ZNF296: variants seen among roughly 807,000 people sequenced by gnomAD.
ZNF296 encodes the protein zinc finger protein 342.
ZNF296 carries 1 observed loss-of-function variant against 13.2 expected under a neutral mutation model. That is an observed-to-expected ratio of 0.08 (90% CI 0.03 to 0.36). The LOEUF (loss-of-function observed/expected upper bound fraction) is 0.36. ZNF296 is among the 10% of genes least tolerant of loss of function. ZNF296 has a pLI of 0.99. For synonymous variants in ZNF296, 303 were observed against 289.0 expected, an observed-to-expected ratio of 1.05 and a Z score of -0.49; for missense variants, 555 against 688.2, an observed-to-expected ratio of 0.81 and a Z score of 2.16.
rs749901000 is a variant in ZNF296, at chr19:45,076,153, G to A, written c.221C>T (p.Pro74Leu). The stretch of plus-strand genomic sequence containing the variant: ...GAGGGCGAGGAGGGCGGCCCCGGCG[G>A]GCATGGGGCCAGGGGAGTGGTGGGG... ...GEPHHSPGPMPAGAALLALGP... is the reference protein window; with the variant it reads ...GEPHHSPGPMLAGAALLALGP... The change falls in exon 1 of 3, where the codon CCC (proline) becomes CTC (leucine). Residue 74 changes from proline to leucine, a missense_variant. By Grantham distance (98) the Pro-to-Leu change is moderately conservative. Around this residue, in one of 3 missense-constraint regions of ZNF296, gnomAD observed 137 missense variants for 121.9 expected, o/e 1.12. Transcript: ENST00000303809. The surrounding 1 kb of genome is among the most constrained non-coding windows in gnomAD (Gnocchi z 4.9). The A allele has an allele frequency of 3.2e-6, 5 of 1,546,812 alleles. No individual in the cohort carries two copies. Among genetic ancestry groups the A allele is most frequent in the African/African-American group, 2.8e-5 (2 of 72,094 alleles).
In ZNF296 at chr19:45,072,807, G is replaced by C. The variant is rs547454500; in HGVS notation, c.449-227C>G. Among the ~76,000 whole-genome samples, 23 of 151,858 alleles carry C rather than the reference G, an allele frequency of 1.5e-4. No individual in the cohort carries two copies. The South Asian group carries it at 2.7e-3, about 18-fold the overall frequency. ...TTTAGACAGTCTCACTGTCGCCCAG[G>C]CTGGGGTGCAGTGGCACGATCTCAG... On this transcript the variant is annotated intron_variant, in intron 2 of 2. Transcript: ENST00000303809.
chr19:45,072,560 A>G lies in ZNF296; in HGVS notation c.469T>C (p.Leu157=). ...TGTTTGCCACAGCGCAGGCAGCTCA[A>G]GGCCTTCAGCTCCTCTCGTTCTGGT... ...QGSEREELKA[L]SCLRCGKQFT... The change falls in exon 3 of 3, where the codon TTG becomes CTG. Residue 157 remains leucine (L), a synonymous_variant. Transcript: ENST00000303809. 6.2e-7 allele frequency: 1 copy of G among 1,606,156 alleles called. No homozygotes were observed.
rs371435625 is a variant in ZNF296 at position 45,075,722 on chromosome 19, G to T, written c.439C>A (p.Gln147Lys). The T allele has an allele frequency of 1.2e-6, 2 of 1,613,914 alleles. No individual in the cohort carries two copies. The highest frequency in any genetic ancestry group is 2.7e-5 in the African/African-American group (2 of 74,930). The change falls in exon 2 of 3, where the codon CAG (glutamine) becomes AAG (lysine). Residue 147 changes from glutamine to lysine, a missense_variant. Gln to Lys is a moderately conservative substitution (Grantham distance 53). Transcript: ENST00000303809. ...ACCCGGCTTTACTCACCTGAGCCCTGGCCGCGGCTGGGGCCTCTGAAGAGC... is the reference window on the plus strand; with the variant it reads ...ACCCGGCTTTACTCACCTGAGCCCTTGCCGCGGCTGGGGCCTCTGAAGAGC... ...CQLFRGPSRG[Q>K]GSEREELKAL...
Position 45,076,339 on chromosome 19 carries a change from C to G in ZNF296, c.35G>C (p.Arg12Pro). The stretch of plus-strand genomic sequence containing the variant: ...GTTGGCGGCGGGCGCGGGCTCTACT[C>G]GGCGGGGCGCGCTGCCGGCCTTGCG... ...SRRKAGSAPR[R>P]VEPAPAANPD... The change falls in exon 1 of 3, where the codon CGA (arginine) becomes CCA (proline). Residue 12 changes from arginine to proline, a missense_variant. Physicochemically the swap from Arg to Pro is moderately radical, Grantham distance 103. Coordinates refer to ENST00000303809, the MANE Select transcript of ZNF296 (RefSeq NM_145288.3). The surrounding 1 kb of genome is among the most constrained non-coding windows in gnomAD (Gnocchi z 4.9). 1.5e-6 allele frequency: 2 copies of G among 1,369,948 alleles called. No individual in the cohort carries two copies. Among genetic ancestry groups the G allele is most frequent in the Non-Finnish European group, 1.9e-6 (2 of 1,058,042 alleles). 84.9% of individuals were successfully genotyped at this position (1,369,948 alleles called of 1,614,324 possible).
intron 1 of ZNF296, 41 bp from the exon 2 acceptor site, chr19:45,075,903 G>C (rs1712055829): frequency 3.1e-6 from 5 of 1,610,798 alleles, no homozygotes; most frequent in Non-Finnish European, 4.2e-6. Flanking sequence ...GGTGGGGCCA[G>C]GATGGGGGCT....
chr19:45,071,873 C>A lies in ZNF296; in HGVS notation c.1156G>T (p.Gly386Cys). 1 of 1,613,162 alleles carries A rather than the reference C, an allele frequency of 6.2e-7. No homozygotes were observed. The highest frequency in any genetic ancestry group is 8.5e-7 in the Non-Finnish European group (1 of 1,179,982). ...TGCTTCCCGCAGAACTCACAGCTGC[C>A]CCCGGGCCCGCGGCTCTTGCCCCCT... ...KSGGKSRGPGGSCEFCGKHFT... is the reference protein window; with the variant it reads ...KSGGKSRGPGCSCEFCGKHFT... Residue 386 changes from glycine (G) to cysteine (C), a missense_variant, in exon 3 of 3, where the codon GGC becomes TGC. Physicochemically the swap from Gly to Cys is radical, Grantham distance 159 (BLOSUM62 -3). Around this residue, in one of 3 missense-constraint regions of ZNF296, gnomAD observed 410 missense variants for 548.0 expected, o/e 0.75. Transcript: ENST00000303809.
At position 45,076,423 on chromosome 19, in the gene ZNF296, GGCGGAGGACGCACGAGCGGAGGACGC is replaced by G. The variant is rs1967355795; in HGVS notation, c.-76_-51del. 2.5e-6 allele frequency: 3 copies of G among 1,204,888 alleles called. No individual in the cohort carries two copies. Among genetic ancestry groups the G allele is most frequent in the Non-Finnish European group, 2.1e-6 (2 of 965,136 alleles). The allele number at this position is 1,204,888 out of a possible 1,614,324, so 74.6% of individuals were successfully genotyped here. A position where few individuals can be genotyped will look rare whatever the true frequency, so the allele number is the denominator to read the frequency against. ...GGGCGGGCAGGCAGGCAGGCGGGCG[GGCGGAGGACGCACGAGCGGAGGACGC>G]GCGGACCGTGCGCGCTCAGGTGAGT... On this transcript the variant is annotated 5_prime_UTR_variant, in exon 1 of 3. Coordinates refer to ENST00000303809, the MANE Select transcript of ZNF296 (RefSeq NM_145288.3). This position sits in a 1 kb window ranked among gnomAD's most constrained non-coding sequence, Gnocchi z 4.9.
chr19:45,076,280 T>C lies in ZNF296; in HGVS notation c.94A>G (p.Ile32Val). Residue 32 changes from isoleucine (I) to valine (V), a missense_variant, in exon 1 of 3, where the codon ATC becomes GTC. By Grantham distance (29) the Ile-to-Val change is conservative (BLOSUM62 3). Around this residue, in one of 3 missense-constraint regions of ZNF296, gnomAD observed 137 missense variants for 121.9 expected, o/e 1.12. Transcript: ENST00000303809. This position sits in a 1 kb window ranked among gnomAD's most constrained non-coding sequence, Gnocchi z 4.9. ...DDEMEMQDLV[I>V]ELKPEPDAQP... ...GCGTCTGGCTCGGGCTTGAGTTCGA[T>C]GACGAGGTCCTGCATTTCCATCTCG... 1 of 1,481,958 alleles carries C rather than the reference T, an allele frequency of 6.7e-7. No individual in the cohort carries two copies. The highest frequency in any genetic ancestry group is 8.9e-7 in the Non-Finnish European group (1 of 1,117,730). The allele number at this position is 1,481,958 out of a possible 1,614,324, so 91.8% of individuals were successfully genotyped here.
chr19:45,074,448 C>T (rs1160688987), intron 2 of ZNF296, among the ~76,000 whole-genome samples: 2 of 152,180 alleles, frequency 1.3e-5, no homozygotes, highest in African/African-American at 4.8e-5. Context: ...CTGCATGGAT[C>T]TCAAATTGAG....
At chr19:45,075,525 C>A (rs1370711699) in intron 2 of ZNF296, among the ~76,000 whole-genome samples, 188 bp downstream of exon 2, 1 of 149,974 alleles carries the variant, frequency 6.7e-6, no homozygotes, top group Admixed American at 6.6e-5. Context: ...TCCCCCCCCG[C>A]CCCCCCTCCA....
chr19:45,073,600 C>T (rs1161404006), intron 2 of ZNF296, among the ~76,000 whole-genome samples: 3 of 151,236 alleles, frequency 2.0e-5, no homozygotes, highest in South Asian at 4.2e-4. Flanking sequence ...TTTGAGCCAC[C>T]GCACCCGGCC....
chr19:45,073,667 A>G lies in ZNF296; in HGVS notation c.449-1087T>C, dbSNP rs1332322572. ...AGTAATCCTTCCGCCTCAGCCCCTC[A>G]AAGTGCTGGGATTATAGGCGTGAGC... On this transcript the variant is annotated intron_variant, in intron 2 of 2. Transcript: ENST00000303809. Among the ~76,000 whole-genome samples the G allele has an allele frequency of 2.9e-4, 44 of 149,390 alleles. No individual in the cohort carries two copies. The Admixed American group carries it at 3.0e-3, about 10-fold the overall frequency.
rs990178939 is a variant in ZNF296 at position 45,075,797 on chromosome 19, G to A, written c.364C>T (p.Pro122Ser). 6.2e-7 allele frequency: 1 copy of A among 1,614,152 alleles called. No homozygotes were observed. Among genetic ancestry groups the A allele is most frequent in the Non-Finnish European group, 8.5e-7 (1 of 1,180,020 alleles). ...LTCGRCLQTF[P>S]LEAITAFMDH... is the part of the protein sequence containing the mutation. ...ATGAAGGCAGTGATGGCCTCCAACGGGAAGGTCTGCAGGCAGCGGCCGCAG... is the reference window on the plus strand; with the variant it reads ...ATGAAGGCAGTGATGGCCTCCAACGAGAAGGTCTGCAGGCAGCGGCCGCAG... The change falls in exon 2 of 3, where the codon CCG becomes TCG. Residue 122 changes from proline to serine, a missense_variant. Coordinates refer to ENST00000303809, the MANE Select transcript of ZNF296 (RefSeq NM_145288.3).
intron 2 of ZNF296, among the ~76,000 whole-genome samples, chr19:45,073,702 T>G (rs1264316805): frequency 6.7e-6 from 1 of 150,292 alleles, no homozygotes; most frequent in Non-Finnish European, 1.5e-5. Flanking sequence ...CCACCATACC[T>G]GGCTGGGAGC....
chr19:45,072,889 G>A (rs1967283168), intron 2 of ZNF296, among the ~76,000 whole-genome samples: 1 of 152,132 alleles, frequency 6.6e-6, no homozygotes, highest in African/African-American at 2.4e-5. Context: ...AGCCTCTAGA[G>A]TAGCTGGGAT....
chr19:45,074,868 C>T (rs1230232692), intron 2 of ZNF296, among the ~76,000 whole-genome samples: 1 of 152,140 alleles, frequency 6.6e-6, no homozygotes. Flanking sequence ...CACAGCCCCT[C>T]GCTCGCTCCT....
At chr19:45,074,610 C>T (rs2122634749) in intron 2 of ZNF296, among the ~76,000 whole-genome samples, 1 of 152,250 alleles carries the variant, frequency 6.6e-6, no homozygotes, top group South Asian at 2.1e-4. Flanking sequence ...AGAGCACAGG[C>T]CTGCATTCAA....
Position 45,072,196 on chromosome 19 carries a change from T to A in ZNF296, c.833A>T (p.Lys278Met), listed in dbSNP as rs1346089152. 6.3e-7 allele frequency: 1 copy of A among 1,593,272 alleles called. No individual in the cohort carries two copies. The change falls in exon 3 of 3, where the codon AAG (lysine) becomes ATG (methionine). Residue 278 changes from lysine to methionine, a missense_variant. This residue lies in a region of ZNF296 where 410 missense variants were observed against 548.0 expected (regional missense o/e 0.75). Coordinates refer to ENST00000303809, the MANE Select transcript of ZNF296 (RefSeq NM_145288.3). ...GGGCGGCACCTGCCGGTGGGTCTTC[T>A]TGTGGCGGTTGAGCTTGCTGCTCTG... is the stretch of plus-strand genomic sequence containing the variant. ...CAQSSKLNRH[K>M]KTHRQVPPQS...
Position 45,072,007 on chromosome 19 carries a change from C to G in ZNF296, c.1022G>C (p.Ser341Thr). 2.5e-6 allele frequency: 4 copies of G among 1,613,206 alleles called. No homozygotes were observed. Among genetic ancestry groups the G allele is most frequent in the Non-Finnish European group, 3.4e-6 (4 of 1,180,012 alleles). ...TCCACCAGGGCCGGCTTGAGCCCCA[C>G]TGCCAGGAGCCCCGGGTTCCTGGAC... is the stretch of plus-strand genomic sequence containing the variant. ...AGVQEPGAPG[S>T]GAQAGPGGDT... The change falls in exon 3 of 3, where the codon AGT (serine) becomes ACT (threonine). Residue 341 changes from serine (S) to threonine (T), a missense_variant. Coordinates refer to ENST00000303809, the MANE Select transcript of ZNF296 (RefSeq NM_145288.3).
Sources: gnomAD v4.1 joint callset for allele counts (sites outside exome capture counted in the v4.1 genomes callset) on GRCh38, gnomAD v4.1.1 for gene constraint, gnomAD v4.1.1 regional missense constraint, Gnocchi (gnomAD v3.1) non-coding constraint, MANE v1.5 for transcripts, NCBI Gene and HGNC (gene_info 2026-07-23, HGNC 2026-07-21) for gene names.